NAA16: variants seen among roughly 807,000 people sequenced by gnomAD.
The protein encoded by NAA16 is NARG1-like protein.
Under a neutral mutation model 110.3 loss-of-function variants are expected in NAA16, and 97 were observed. That is an observed-to-expected ratio of 0.88 (90% CI 0.75 to 1.04). The LOEUF (loss-of-function observed/expected upper bound fraction) is 1.04, where lower values mean the gene tolerates loss of function less well. Among genes scored for constraint, NAA16 ranks in the 50% least tolerant of loss-of-function variants. The pLI, the probability that NAA16 is intolerant of heterozygous loss-of-function variation, is 0.00. For synonymous variants in NAA16, 372 were observed against 330.6 expected (o/e 1.13, Z -1.36); for missense variants, 1,017 against 1,005.1 (o/e 1.01, Z -0.16).
At chr13:41,333,391 C>A (rs1211189054) in intron 8 of NAA16, among the ~76,000 whole-genome samples, 1 of 151,928 alleles carries the variant, frequency 6.6e-6, no homozygotes, top group African/African-American at 2.4e-5. Flanking sequence ...TTTTCATGAC[C>A]CCAAAAAGAA....
intron 1 of NAA16, among the ~76,000 whole-genome samples, chr13:41,314,245 C>A (rs904029617): frequency 6.6e-6 from 1 of 152,084 alleles, no homozygotes; most frequent in African/African-American, 2.4e-5. Flanking sequence ...TAGGTGTTAA[C>A]TATTATTACT....
At chr13:41,358,200 CTTA>C (rs2043035691) in intron 10 of NAA16, 101 bp from the exon 11 acceptor site, 1 of 997,302 alleles carries the variant, frequency 1.0e-6, no homozygotes, top group East Asian at 2.7e-5. Flanking sequence ...GTCTTTCTTG[CTTA>C]TTATTATTGC....
chr13:41,351,966 A>G (rs1450975014), intron 9 of NAA16, among the ~76,000 whole-genome samples: 1 of 152,264 alleles, frequency 6.6e-6, no homozygotes, highest in Non-Finnish European at 1.5e-5. Context: ...CTTGAGCGAA[A>G]TAAGTCTTAT....
intron 1 of NAA16, among the ~76,000 whole-genome samples, chr13:41,312,332 C>T (rs1202952616): frequency 6.6e-6 from 1 of 152,116 alleles, no homozygotes; most frequent in Non-Finnish European, 1.5e-5. Flanking sequence ...TACTTTATCG[C>T]GGAGCAGAAG....
intron 9 of NAA16, among the ~76,000 whole-genome samples, chr13:41,342,288 C>T (rs542857244): frequency 6.6e-6 from 1 of 152,286 alleles, no homozygotes; most frequent in East Asian, 1.9e-4. Context: ...CAGGCGCACA[C>T]TGCCATGCCT....
chr13:41,375,447 G>A lies in NAA16; in HGVS notation c.2440G>A (p.Gly814Arg). Residue 814 changes from glycine to arginine, a missense_variant, in exon 20 of 20, where the codon GGG becomes AGG. Gly to Arg is a moderately radical substitution (Grantham distance 125, BLOSUM62 -2). Transcript: ENST00000379406. ...TGAAGCACTGCTTGATGGCAGCTTTGGGAACTGTAGTTCCCAATATGAAGA... is the reference window on the plus strand; with the variant it reads ...TGAAGCACTGCTTGATGGCAGCTTTAGGAACTGTAGTTCCCAATATGAAGA... ...VSEALLDGSF[G>R]NCSSQYEEYR... 1 of 1,613,798 alleles carries A rather than the reference G, an allele frequency of 6.2e-7. No individual in the cohort carries two copies. Among genetic ancestry groups the A allele is most frequent in the African/African-American group, 1.3e-5 (1 of 75,000 alleles).
At chr13:41,321,111 G>A (rs960976743) in intron 4 of NAA16, among the ~76,000 whole-genome samples, 7 of 152,134 alleles carry the variant, frequency 4.6e-5, no homozygotes, top group Non-Finnish European at 8.8e-5. Flanking sequence ...ACCAGCCTGG[G>A]CAACATAGGC....
intron 1 of NAA16, 22 bp from the exon 2 acceptor site, chr13:41,316,823 CT>C (rs2041822723): frequency 4.6e-6 from 7 of 1,525,586 alleles, no homozygotes; most frequent in Non-Finnish European, 6.4e-6. Context: ...GATAAAATAA[CT>C]TTTGTTCATA....
chr13:41,374,703 A>G, intron 18 of NAA16, 39 bp from the exon 19 acceptor site: 1 of 1,265,770 alleles, frequency 7.9e-7, no homozygotes, highest in Non-Finnish European at 1.1e-6. Flanking sequence ...AATGTAAAGT[A>G]TAGGTGTTTA....
rs752395661 is a variant in NAA16, at chr13:41,336,676, A to G, written c.934A>G (p.Lys312Glu). ...TGAAAGATTTAGAGAACTAATGGAT[A>G]AGTTCCTGAGGGTTAACTTCAGTAA... ...PGERFRELMD[K>E]FLRVNFSKGC... Residue 312 changes from lysine to glutamate, a missense_variant, in exon 9 of 20, where the codon AAG (lysine) becomes GAG (glutamate). Lys to Glu is a moderately conservative substitution (Grantham distance 56, BLOSUM62 1). Coordinates refer to ENST00000379406, the MANE Select transcript of NAA16 (RefSeq NM_024561.5). 2 of 1,603,602 alleles carry G rather than the reference A, an allele frequency of 1.2e-6. No individual in the cohort carries two copies. The highest frequency in any genetic ancestry group is 2.3e-5 in the South Asian group (2 of 88,788).
At chr13:41,373,507 C>T in intron 17 of NAA16, 130 bp from the exon 18 acceptor site, 2 of 1,098,600 alleles carry the variant, frequency 1.8e-6, no homozygotes, top group Non-Finnish European at 1.2e-6. Flanking sequence ...ATCTGCCTGC[C>T]TCAGCCTCCC....
chr13:41,331,393 A>C, intron 8 of NAA16, 24 bp downstream of exon 8: 1 of 1,416,288 alleles, frequency 7.1e-7, no homozygotes, highest in Non-Finnish European at 9.9e-7. Flanking sequence ...GTCTTTTATA[A>C]TATTAATTAT....
chr13:41,351,585 T>C (rs527363193), intron 9 of NAA16, among the ~76,000 whole-genome samples: 1 of 152,330 alleles, frequency 6.6e-6, no homozygotes, highest in South Asian at 2.1e-4. Flanking sequence ...TTCTTTTAAC[T>C]CTTACATAAG....
At chr13:41,316,527 A>G (rs1034373640) in intron 1 of NAA16, among the ~76,000 whole-genome samples, 6 of 151,734 alleles carry the variant, frequency 4.0e-5, no homozygotes, top group Admixed American at 3.9e-4. Context: ...TTGGTCTCGA[A>G]CTCCTGAGCT....
intron 12 of NAA16, 24 bp downstream of exon 12, chr13:41,358,986 T>C (rs2043054671): frequency 6.4e-7 from 1 of 1,562,368 alleles, no homozygotes; most frequent in Admixed American, 1.8e-5. Flanking sequence ...TGCATGAGCA[T>C]GTAATTGTCT....
chr13:41,333,320 T>A (rs2042290027), intron 8 of NAA16, among the ~76,000 whole-genome samples: 2 of 152,098 alleles, frequency 1.3e-5, no homozygotes, highest in African/African-American at 4.8e-5. Context: ...GTGTGTGCAA[T>A]TCAGTGTTTT....
chr13:41,347,419 G>A (rs1234969620), intron 9 of NAA16, among the ~76,000 whole-genome samples: 1 of 152,052 alleles, frequency 6.6e-6, no homozygotes. Flanking sequence ...TAGGGATTTT[G>A]TTGAATCTGC....
intron 17 of NAA16, chr13:41,373,201 ATAATAAT>A (rs1366967414): frequency 1.2e-6 from 1 of 842,096 alleles, no homozygotes; most frequent in African/African-American, 1.8e-5. Context: ...CAAAGGAAGA[ATAATAAT>A]TATACTATGT....
At chr13:41,354,024 C>T (rs1035276457) in intron 9 of NAA16, among the ~76,000 whole-genome samples, 6 of 152,188 alleles carry the variant, frequency 3.9e-5, no homozygotes, top group African/African-American at 1.2e-4. Flanking sequence ...TCTGTACATA[C>T]ATGTTTTAGT....
Sources: gnomAD v4.1 joint callset for allele counts (sites outside exome capture counted in the v4.1 genomes callset) on GRCh38, gnomAD v4.1.1 for gene constraint, MANE v1.5 for transcripts, NCBI Gene and HGNC (gene_info 2026-07-23, HGNC 2026-07-21) for gene names.